The following SERTM1 variants were observed in gnomAD, a reference collection of about 807,000 sequenced individuals.
SERTM1 encodes serine-rich and transmembrane domain-containing protein 1.
Under a neutral mutation model 5.5 loss-of-function variants are expected in SERTM1, and 1 was observed. The ratio of observed to expected loss-of-function variants is 0.18; its 90% CI spans 0.06 to 0.86. SERTM1 has a LOEUF of 0.86. Among genes scored for constraint, SERTM1 ranks in the 40% least tolerant of loss-of-function variants. The probability of loss-of-function intolerance (pLI) is 0.69; values close to 1 mark genes in which losing one functional copy is unlikely to be tolerated. For synonymous variants in SERTM1, 52 were observed against 55.1 expected, an observed-to-expected ratio of 0.94 and a Z score of 0.25; for missense variants, 91 against 122.4, an observed-to-expected ratio of 0.74 and a Z score of 1.21.
Position 36,696,431 on chromosome 13 carries a change from C to G in SERTM1, c.*1029C>G, listed in dbSNP as rs974251450. On this transcript the variant is annotated 3_prime_UTR_variant, in exon 2 of 2. Coordinates refer to ENST00000315190, the MANE Select transcript of SERTM1 (RefSeq NM_203451.3). ...CAAATATATGTGTTATTATATACTCCACGAATGTTGCGTCTCTGATAATTA... is the reference window on the plus strand; with the variant it reads ...CAAATATATGTGTTATTATATACTCGACGAATGTTGCGTCTCTGATAATTA... The G allele has an allele frequency of 1.8e-4, 30 of 166,132 alleles. No individual in the cohort carries two copies. The highest frequency in any genetic ancestry group is 7.0e-4 in the African/African-American group (29 of 41,414). The allele number at this position is 166,132 out of a possible 1,614,324, so 10.3% of individuals were successfully genotyped here.
At chr13:36,682,535 G>A (rs551043352) in intron 1 of SERTM1, among the ~76,000 whole-genome samples, 1 of 152,284 alleles carries the variant, frequency 6.6e-6, no homozygotes, top group East Asian at 1.9e-4. Context: ...GTAGAGACCT[G>A]CAGTGAATAA....
intron 1 of SERTM1, among the ~76,000 whole-genome samples, chr13:36,677,859 A>T (rs1441746698): frequency 6.6e-6 from 1 of 152,236 alleles, no homozygotes; most frequent in African/African-American, 2.4e-5. Context: ...AGAGGGATAT[A>T]CTATTCTCAT....
Position 36,694,888 on chromosome 13 carries a change from C to CT in SERTM1, c.-173-16dup. ...GTGATTTTTCTGAAGAATGCACTGA[C>CT]TTGCTTTTTTTTTTCAGTCTCAATG... is the stretch of plus-strand genomic sequence containing the variant. On this transcript the variant is annotated splice_polypyrimidine_tract_variant and intron_variant, in intron 1 of 1. Coordinates refer to ENST00000315190, the MANE Select transcript of SERTM1 (RefSeq NM_203451.3). 1.8e-6 allele frequency: 1 copy of CT among 556,302 alleles called. No individual in the cohort carries two copies. The highest frequency in any genetic ancestry group is 3.1e-6 in the Non-Finnish European group (1 of 317,516). 34.5% of individuals were successfully genotyped at this position (556,302 alleles called of 1,614,324 possible).
intron 1 of SERTM1, among the ~76,000 whole-genome samples, chr13:36,689,156 G>C (rs2056761175): frequency 6.6e-6 from 1 of 152,138 alleles, no homozygotes; most frequent in South Asian, 2.1e-4. Context: ...TGCTAAGGCA[G>C]TGATTTGGAT....
chr13:36,693,402 T>TC (rs1010737322), intron 1 of SERTM1, among the ~76,000 whole-genome samples: 1 of 151,960 alleles, frequency 6.6e-6, no homozygotes, highest in African/African-American at 2.4e-5. Flanking sequence ...TTCTTTTTTT[T>TC]TTTTTTCCTT....
chr13:36,680,356 C>A (rs1440120440), intron 1 of SERTM1, among the ~76,000 whole-genome samples: 1 of 152,124 alleles, frequency 6.6e-6, no homozygotes, highest in Non-Finnish European at 1.5e-5. Context: ...TTACATTTTT[C>A]CACTGAACTC....
intron 1 of SERTM1, among the ~76,000 whole-genome samples, chr13:36,684,036 G>A (rs1018779161): frequency 7.2e-5 from 11 of 152,184 alleles, no homozygotes; most frequent in African/African-American, 2.2e-4. Flanking sequence ...AGTGGCTTAC[G>A]CCTGTAATCC....
chr13:36,688,903 G>A (rs2056759624), intron 1 of SERTM1, among the ~76,000 whole-genome samples: 2 of 152,062 alleles, frequency 1.3e-5, no homozygotes, highest in African/African-American at 4.8e-5. Flanking sequence ...ACCAGTTAGT[G>A]TTTTCTTCAA....
At chr13:36,682,097 G>A (rs2056709039) in intron 1 of SERTM1, among the ~76,000 whole-genome samples, 1 of 152,100 alleles carries the variant, frequency 6.6e-6, no homozygotes, top group South Asian at 2.1e-4. Context: ...CCCCCTTTGA[G>A]TAATCTTTAT....
intron 1 of SERTM1, among the ~76,000 whole-genome samples, chr13:36,682,400 G>A (rs1202695354): frequency 6.6e-6 from 1 of 152,194 alleles, no homozygotes; most frequent in Non-Finnish European, 1.5e-5. Flanking sequence ...AAATGCTAGT[G>A]TAGAAAGGTA....
In SERTM1 at chr13:36,682,640, AT is replaced by A. The variant is rs1176094525; in HGVS notation, c.-174+8457del. Among the ~76,000 whole-genome samples the A allele has an allele frequency of 2.6e-5, 4 of 152,302 alleles. No individual in the cohort carries two copies. In the East Asian group the frequency reaches 5.8e-4, roughly 22 times the overall value. On this transcript the variant is annotated intron_variant, in intron 1 of 1. Coordinates refer to ENST00000315190, the MANE Select transcript of SERTM1 (RefSeq NM_203451.3). ...ACTGGAGAATTGAAAACAGCATGTT[AT>A]GCCTGGAACGCAAATCTTAGGTACA...
chr13:36,675,561 T>C (rs1318900825), intron 1 of SERTM1, among the ~76,000 whole-genome samples: 17 of 152,242 alleles, frequency 1.1e-4, no homozygotes, highest in African/African-American at 4.1e-4. Context: ...CTAGTCTGGG[T>C]GTCTCAGCTT....
At chr13:36,689,183 G>A (rs2056761297) in intron 1 of SERTM1, among the ~76,000 whole-genome samples, 1 of 152,002 alleles carries the variant, frequency 6.6e-6, no homozygotes, top group South Asian at 2.1e-4. Flanking sequence ...TCCTCCCATG[G>A]ATGTAAACAT....
Position 36,676,665 on chromosome 13 carries a change from GC to G in SERTM1, c.-174+2483del, listed in dbSNP as rs772533910. Among the ~76,000 whole-genome samples the G allele has an allele frequency of 8.1e-4, 124 of 152,186 alleles. 1 individual carries two copies. Among genetic ancestry groups the G allele is most frequent in the Admixed American group, 2.5e-3 (38 of 15,284 alleles). On this transcript the variant is annotated intron_variant, in intron 1 of 1. Coordinates refer to ENST00000315190, the MANE Select transcript of SERTM1 (RefSeq NM_203451.3). ...AAATATTTGTTAAATGAAACTAAAA[GC>G]CAAAAAGTAGTGCCACAGAAGAATG...
chr13:36,693,965 C>T (rs994009196), intron 1 of SERTM1, among the ~76,000 whole-genome samples: 1 of 152,092 alleles, frequency 6.6e-6, no homozygotes, highest in African/African-American at 2.4e-5. Flanking sequence ...AATGGTCCCC[C>T]CTCCACACTC....
chr13:36,690,718 G>A (rs952650888), intron 1 of SERTM1, among the ~76,000 whole-genome samples: 5 of 152,224 alleles, frequency 3.3e-5, no homozygotes, highest in Middle Eastern at 3.2e-3. Flanking sequence ...GTGTTCTACA[G>A]AGGAAAAGAT....
intron 1 of SERTM1, among the ~76,000 whole-genome samples, chr13:36,685,331 G>A (rs1304209129): frequency 1.3e-5 from 2 of 152,214 alleles, no homozygotes; most frequent in East Asian, 3.8e-4. Flanking sequence ...AGGACACAAC[G>A]TCCTCTTTCT....
intron 1 of SERTM1, among the ~76,000 whole-genome samples, chr13:36,675,193 G>A (rs1255576117): frequency 2.0e-5 from 3 of 151,392 alleles, no homozygotes; most frequent in East Asian, 1.9e-4. Context: ...TTTTTCTTCG[G>A]AAAATGTTCT....
At chr13:36,687,704 A>G (rs916730146) in intron 1 of SERTM1, among the ~76,000 whole-genome samples, 2 of 152,172 alleles carry the variant, frequency 1.3e-5, no homozygotes, top group Admixed American at 6.5e-5. Flanking sequence ...TATAGAGTGA[A>G]TAAAATATTT....
Sources: allele counts gnomAD v4.1 joint callset (sites outside exome capture counted in the v4.1 genomes callset), GRCh38; gene constraint gnomAD v4.1.1; transcripts MANE v1.5; gene names NCBI Gene and HGNC (gene_info 2026-07-23, HGNC 2026-07-21).